The following VEPH1 variants were observed in gnomAD, a reference collection of about 807,000 sequenced individuals.
The protein encoded by VEPH1 is ventricular zone-expressed PH domain-containing protein homolog 1.
Under a neutral mutation model 85.2 loss-of-function variants are expected in VEPH1, and 80 were observed. The observed-to-expected ratio is 0.94, with a 90% CI of 0.78 to 1.13. The LOEUF is 1.13. VEPH1 is among the 50% of genes most tolerant of loss of function. The pLI is 0.00. For synonymous variants in VEPH1, 297 were observed against 348.0 expected (o/e 0.85, Z 1.63); for missense variants, 955 against 980.5 (o/e 0.97, Z 0.35).
chr3:157,442,297 T>C (rs892672683), intron 4 of VEPH1: 76 of 1,325,510 alleles, frequency 5.7e-5, no homozygotes, highest in Middle Eastern at 2.7e-4. Context: ...GTTAAATAAC[T>C]AATGCCAGAA....
chr3:157,330,861 C>T (rs1346037905), intron 9 of VEPH1, among the ~76,000 whole-genome samples: 1 of 152,156 alleles, frequency 6.6e-6, no homozygotes, highest in Admixed American at 6.5e-5. Context: ...TGGAAATAGT[C>T]TGGGTTGGGA....
intron 6 of VEPH1, among the ~76,000 whole-genome samples, chr3:157,401,006 C>T (rs1191710404): frequency 6.6e-6 from 1 of 152,096 alleles, no homozygotes; most frequent in Non-Finnish European, 1.5e-5. Context: ...TAATCCTGAA[C>T]AATGGCCCCA....
chr3:157,455,215 T>C (rs1053032169), intron 4 of VEPH1, among the ~76,000 whole-genome samples: 1 of 152,150 alleles, frequency 6.6e-6, no homozygotes. Context: ...CCACAAATAG[T>C]GTATAAGCGT....
At chr3:157,319,189 G>A (rs1471195576) in intron 9 of VEPH1, among the ~76,000 whole-genome samples, 1 of 152,152 alleles carries the variant, frequency 6.6e-6, no homozygotes, top group African/African-American at 2.4e-5. Flanking sequence ...TGAAACATTG[G>A]TACAGAAGAG....
Position 157,424,913 on chromosome 3 carries a change from A to G in VEPH1, c.696+3409T>C, listed in dbSNP as rs562924919. Among the ~76,000 whole-genome samples, 7 of 152,372 alleles carry G rather than the reference A, an allele frequency of 4.6e-5. No homozygotes were observed. In the East Asian group the frequency reaches 1.2e-3, roughly 25 times the overall value. On this transcript the variant is annotated intron_variant, in intron 5 of 13. Coordinates refer to ENST00000362010, the MANE Select transcript of VEPH1 (RefSeq NM_001167912.2). The stretch of plus-strand genomic sequence containing the variant: ...GCCGGATGCAGAAATTTACATAAGT[A>G]ACAAGGAGTCAAATGTTAATCCCCA...
rs1453348751 is a variant in VEPH1 at position 157,261,086 on chromosome 3, T to C, written c.*48A>G. ...CTCTTTTTCTTGACATTGGCAATGA[T>C]AATACAATGCCTGTGGTGTATAATT... On this transcript the variant is annotated 3_prime_UTR_variant, in exon 14 of 14. Transcript: ENST00000362010. 1 of 1,600,632 alleles carries C rather than the reference T, an allele frequency of 6.2e-7. No individual in the cohort carries two copies. The highest frequency in any genetic ancestry group is 8.5e-7 in the Non-Finnish European group (1 of 1,171,904).
chr3:157,348,771 C>T (rs1724528255), intron 9 of VEPH1, among the ~76,000 whole-genome samples: 1 of 152,234 alleles, frequency 6.6e-6, no homozygotes, highest in South Asian at 2.1e-4. Flanking sequence ...CTCCCTTCCA[C>T]ACTCCAGTCA....
intron 6 of VEPH1, among the ~76,000 whole-genome samples, chr3:157,408,639 G>A (rs972473948): frequency 3.9e-5 from 6 of 152,106 alleles, no homozygotes; most frequent in Non-Finnish European, 8.8e-5. Flanking sequence ...CACATTTAAG[G>A]TACAACCAAA....
chr3:157,344,903 C>T (rs973733894), intron 9 of VEPH1, among the ~76,000 whole-genome samples: 7 of 151,068 alleles, frequency 4.6e-5, no homozygotes, highest in Non-Finnish European at 1.0e-4. Flanking sequence ...TTTCACAAAC[C>T]TGACAAAAAC....
chr3:157,322,246 TA>T lies in VEPH1; in HGVS notation c.1736-5046del, dbSNP rs561165622. 1.8e-3 allele frequency among the ~76,000 whole-genome samples: 268 copies of T among 152,344 alleles called. 2 individuals carry two copies. Among genetic ancestry groups the T allele is most frequent in the Middle Eastern group, 0.017 (5 of 294 alleles). ...TTGTTCTGGCTTATTTCACTTAGCA[TA>T]ATATCTTCAATGTTCATACACATGG... On this transcript the variant is annotated intron_variant, in intron 9 of 13. Transcript: ENST00000362010.
intron 4 of VEPH1, among the ~76,000 whole-genome samples, chr3:157,435,446 A>T (rs979948609): frequency 6.6e-6 from 1 of 152,230 alleles, no homozygotes; most frequent in East Asian, 1.9e-4. Context: ...TCAAAGAGAG[A>T]CATGATTGCT....
At chr3:157,303,020 G>T (rs1331135519) in intron 11 of VEPH1, among the ~76,000 whole-genome samples, 1 of 152,152 alleles carries the variant, frequency 6.6e-6, no homozygotes, top group Non-Finnish European at 1.5e-5. Flanking sequence ...AATAATGTAT[G>T]TATATAGTTT....
chr3:157,401,304 A>G (rs1271410015), intron 6 of VEPH1, among the ~76,000 whole-genome samples: 1 of 152,288 alleles, frequency 6.6e-6, no homozygotes, highest in East Asian at 1.9e-4. Context: ...GGAAAAAAGT[A>G]TATGCTTTTA....
intron 3 of VEPH1, among the ~76,000 whole-genome samples, chr3:157,465,503 G>A (rs535430746): frequency 6.6e-6 from 1 of 152,170 alleles, no homozygotes; most frequent in African/African-American, 2.4e-5. Context: ...TTACATATGA[G>A]ACAATTAAGG....
intron 10 of VEPH1, 70 bp downstream of exon 10, chr3:157,316,992 A>C: frequency 6.7e-7 from 1 of 1,482,858 alleles, no homozygotes; most frequent in Non-Finnish European, 9.0e-7. Context: ...AGAATAATTC[A>C]ATAAAAATGA....
intron 10 of VEPH1, 109 bp downstream of exon 10, chr3:157,316,953 G>T: frequency 9.0e-7 from 1 of 1,112,470 alleles, no homozygotes; most frequent in Non-Finnish European, 1.2e-6. Context: ...TGTATGTATT[G>T]CTGTTATCTA....
chr3:157,269,413 A>G (rs1714197249), intron 12 of VEPH1, among the ~76,000 whole-genome samples: 1 of 152,028 alleles, frequency 6.6e-6, no homozygotes, highest in Non-Finnish European at 1.5e-5. Context: ...TAGGGGAAAA[A>G]AATCAATGAA....
intron 7 of VEPH1, among the ~76,000 whole-genome samples, chr3:157,369,180 G>GAAAAAAAACAAAACAAAAAAA (rs1491132802): frequency 2.3e-5 from 1 of 42,780 alleles, no homozygotes; most frequent in East Asian, 1.4e-3. Context: ...AAAACCAAAT[G>GAAAAAAAACAAAACAAAAAAA]AAAAAAAAAA....
chr3:157,395,394 G>T lies in VEPH1; in HGVS notation c.907-14018C>A, dbSNP rs73873671. Among the ~76,000 whole-genome samples, 1,182 of 152,314 alleles carry T rather than the reference G, an allele frequency of 7.8e-3. 16 individuals are homozygous for T. Among genetic ancestry groups the T allele is most frequent in the African/African-American group, 0.025 (1,030 of 41,550 alleles). ...GCTGGTCTCTGCTGCTGGCAGACAG[G>T]GCAGTCAGCGATGGCAGTAGCCAGA... is the stretch of plus-strand genomic sequence containing the variant. On this transcript the variant is annotated intron_variant, in intron 6 of 13. Transcript: ENST00000362010.
Sources: allele counts gnomAD v4.1 joint callset (sites outside exome capture counted in the v4.1 genomes callset), GRCh38; gene constraint gnomAD v4.1.1; transcripts MANE v1.5; gene names NCBI Gene and HGNC (gene_info 2026-07-23, HGNC 2026-07-21).